The following RGS6 variants were observed in gnomAD, a reference collection of about 807,000 sequenced individuals.
RGS6 encodes regulator of G-protein signaling 6.
RGS6 carries 30 observed loss-of-function variants against 78.5 expected under a neutral mutation model. The observed-to-expected ratio is 0.38, with a 90% CI of 0.29 to 0.52. The LOEUF (loss-of-function observed/expected upper bound fraction) is 0.52, where lower values mean the gene tolerates loss of function less well. Ranked by LOEUF, RGS6 falls within the 20% of genes least tolerant of loss-of-function variation. RGS6 has a pLI of 0.85. For synonymous variants in RGS6, 206 were observed against 206.0 expected (o/e 1.00, Z 0.00); for missense variants, 495 against 609.7 (o/e 0.81, Z 1.98).
chr14:72,423,379 TAATTATAAGATAC>T (rs2094291550), intron 3 of RGS6, among the ~76,000 whole-genome samples: 1 of 152,156 alleles, frequency 6.6e-6, no homozygotes, highest in Non-Finnish European at 1.5e-5. Flanking sequence ...GTCTGGTCTC[TAATTATAAGATAC>T]AAGATGAGAT....
intron 2 of RGS6, among the ~76,000 whole-genome samples, chr14:72,198,501 C>G (rs548550601): frequency 2.0e-5 from 3 of 152,336 alleles, no homozygotes; most frequent in South Asian, 4.1e-4. Flanking sequence ...TCTGATGTTT[C>G]TCTTTAAAGA....
intron 2 of RGS6, among the ~76,000 whole-genome samples, chr14:72,311,262 A>T (rs1309855693): frequency 6.6e-6 from 1 of 152,224 alleles, no homozygotes; most frequent in Non-Finnish European, 1.5e-5. Context: ...TGCCTGTTTC[A>T]AATCTTGAAA....
chr14:72,427,490 G>A (rs1470599570), intron 3 of RGS6, among the ~76,000 whole-genome samples: 1 of 152,148 alleles, frequency 6.6e-6, no homozygotes, highest in African/African-American at 2.4e-5. Flanking sequence ...AGCAAAGTGA[G>A]GTGAGCCGAC....
At chr14:72,373,271 A>G (rs1173955154) in intron 3 of RGS6, among the ~76,000 whole-genome samples, 1 of 152,198 alleles carries the variant, frequency 6.6e-6, no homozygotes, top group African/African-American at 2.4e-5. Flanking sequence ...TTGGTACCTC[A>G]TCGAGTTCAT....
At position 72,068,749 on chromosome 14, in the gene RGS6, C is replaced by G. The variant is rs528808564; in HGVS notation, c.84+103874C>G. Among the ~76,000 whole-genome samples, 5 of 152,042 alleles carry G rather than the reference C, an allele frequency of 3.3e-5. No homozygotes were observed. The South Asian group carries it at 8.3e-4, about 25-fold the overall frequency. On this transcript the variant is annotated intron_variant, in intron 2 of 17. Transcript: ENST00000553525. ...CCACCTGTTGATATATGTGCCTTGG[C>G]CTCCCAAAGTGCTGGGATTACAGGT...
chr14:72,161,554 T>G (rs1022040410), intron 2 of RGS6, among the ~76,000 whole-genome samples: 40 of 152,112 alleles, frequency 2.6e-4, no homozygotes, highest in African/African-American at 9.7e-4. Flanking sequence ...CCAGAGCCAG[T>G]CTTGGATGAG....
At chr14:71,882,416 A>T in the RGS6 span, among the ~76,000 whole-genome samples, 1 of 152,234 alleles carries the variant, frequency 6.6e-6, no homozygotes, top group African/African-American at 2.4e-5. Flanking sequence ...TGCTATGAAC[A>T]TTGGTATATG....
At chr14:72,225,272 T>G (rs1427399851) in intron 2 of RGS6, among the ~76,000 whole-genome samples, 2 of 152,184 alleles carry the variant, frequency 1.3e-5, no homozygotes, top group African/African-American at 4.8e-5. Context: ...GCCCTTGGCT[T>G]GTTTTGGGCC....
the RGS6 span, among the ~76,000 whole-genome samples, chr14:72,587,944 T>G: frequency 6.6e-6 from 1 of 152,136 alleles, no homozygotes; most frequent in Non-Finnish European, 1.5e-5. Flanking sequence ...CATCGGCCAG[T>G]AAGAGATGGT....
chr14:71,975,969 T>C (rs1305434464), intron 2 of RGS6, among the ~76,000 whole-genome samples: 1 of 152,194 alleles, frequency 6.6e-6, no homozygotes, highest in Non-Finnish European at 1.5e-5. Context: ...TCACTAATTC[T>C]CTCTTCAATA....
intron 2 of RGS6, among the ~76,000 whole-genome samples, chr14:72,201,364 T>G (rs994876002): frequency 1.1e-4 from 16 of 152,182 alleles, no homozygotes; most frequent in African/African-American, 3.9e-4. Flanking sequence ...AAGTTTTCCC[T>G]GTCTTTAAAG....
chr14:72,327,971 G>A (rs1339291944), intron 2 of RGS6, among the ~76,000 whole-genome samples: 1 of 152,114 alleles, frequency 6.6e-6, no homozygotes, highest in Non-Finnish European at 1.5e-5. Context: ...TGTTTGTAGA[G>A]GCTGAGAAGT....
At chr14:71,984,894 A>G (rs2094626022) in intron 2 of RGS6, among the ~76,000 whole-genome samples, 1 of 152,222 alleles carries the variant, frequency 6.6e-6, no homozygotes, top group African/African-American at 2.4e-5. Context: ...CAATTTAGAA[A>G]GAATCAAAAT....
At chr14:72,115,435 C>T (rs1773490494) in intron 2 of RGS6, among the ~76,000 whole-genome samples, 1 of 152,162 alleles carries the variant, frequency 6.6e-6, no homozygotes, top group African/African-American at 2.4e-5. Flanking sequence ...CTGAAACCCA[C>T]ATTGGTCTCT....
intron 2 of RGS6, among the ~76,000 whole-genome samples, chr14:72,320,669 T>G (rs2152511448): frequency 6.6e-6 from 1 of 151,832 alleles, no homozygotes; most frequent in South Asian, 2.1e-4. Flanking sequence ...AAAAGGATTT[T>G]CAGTGAACAC....
chr14:71,952,665 G>T (rs1201812763), intron 1 of RGS6, among the ~76,000 whole-genome samples: 1 of 151,672 alleles, frequency 6.6e-6, no homozygotes, highest in Non-Finnish European at 1.5e-5. Context: ...TTTATGAAAA[G>T]ATTTTCTTTT....
chr14:72,328,513 T>A (rs1436718035), intron 2 of RGS6, among the ~76,000 whole-genome samples: 1 of 152,124 alleles, frequency 6.6e-6, no homozygotes, highest in Non-Finnish European at 1.5e-5. Flanking sequence ...AATCACTAGA[T>A]CACCAAGCCA....
chr14:72,391,184 A>G (rs928771423), intron 3 of RGS6, among the ~76,000 whole-genome samples: 1 of 152,240 alleles, frequency 6.6e-6, no homozygotes, highest in Non-Finnish European at 1.5e-5. Flanking sequence ...TTTCTCTTCT[A>G]CAGACACTAA....
At chr14:72,494,642 A>G (rs1265390833) in intron 12 of RGS6, among the ~76,000 whole-genome samples, 1 of 152,212 alleles carries the variant, frequency 6.6e-6, no homozygotes, top group African/African-American at 2.4e-5. Flanking sequence ...TATAACTAGA[A>G]AAGTTGCTTT....
Sources: allele counts gnomAD v4.1 joint callset (sites outside exome capture counted in the v4.1 genomes callset), GRCh38; gene constraint gnomAD v4.1.1; transcripts MANE v1.5; gene names NCBI Gene and HGNC (gene_info 2026-07-23, HGNC 2026-07-21).